The following CD40 variants were observed in gnomAD, a reference collection of about 807,000 sequenced individuals.
CD40 encodes the protein tumor necrosis factor receptor superfamily member 5.
A neutral mutation model predicts 38.5 loss-of-function variants in CD40; 19 were observed. That is an observed-to-expected ratio of 0.49 (90% CI 0.34 to 0.72). The LOEUF is 0.72. CD40 is among the 30% of genes least tolerant of loss of function. CD40 has a pLI of 0.01. For missense variants in CD40, 256 were observed against 344.1 expected, an observed-to-expected ratio of 0.74 and a Z score of 2.03; for synonymous variants, 130 against 128.7, an observed-to-expected ratio of 1.01 and a Z score of -0.07.
At chr20:46,123,073 C>T (rs970551438) in intron 4 of CD40, 53 bp from the exon 5 acceptor site, 46 of 1,373,102 alleles carry the variant, frequency 3.4e-5, no homozygotes, top group East Asian at 1.6e-4. Flanking sequence ...CCTTGTGAGC[C>T]GGACAGGTGG....
intron 5 of CD40, among the ~76,000 whole-genome samples, chr20:46,125,870 G>T (rs538243411): frequency 6.6e-6 from 1 of 152,284 alleles, no homozygotes; most frequent in East Asian, 1.9e-4. Flanking sequence ...CAGTGATCTG[G>T]TTCTAAAGAC....
At chr20:46,123,898 G>T (rs2085368253) in intron 5 of CD40, among the ~76,000 whole-genome samples, 1 of 152,176 alleles carries the variant, frequency 6.6e-6, no homozygotes, top group Admixed American at 6.5e-5. Flanking sequence ...CCTTCCTGTT[G>T]CATTTCCTGC....
In CD40 at chr20:46,118,380, T is replaced by G; in HGVS notation, c.37T>G (p.Cys13Gly). ...RLPLQCVLWGCLLTAVHPEPP... is the reference protein window; with the variant it reads ...RLPLQCVLWGGLLTAVHPEPP... Reference sequence around the variant, plus strand: ...GCCTCTGCAGTGCGTCCTCTGGGGCTGCTTGCTGACCGCTGTGAGTTGTTT... The same window carrying G: ...GCCTCTGCAGTGCGTCCTCTGGGGCGGCTTGCTGACCGCTGTGAGTTGTTT... Residue 13 changes from cysteine (C) to glycine (G), a missense_variant, in exon 1 of 9, where the codon TGC becomes GGC. Coordinates refer to ENST00000372285, the MANE Select transcript of CD40 (RefSeq NM_001250.6). The G allele has an allele frequency of 6.2e-7, 1 of 1,614,090 alleles. No individual in the cohort carries two copies. The highest frequency in any genetic ancestry group is 8.5e-7 in the Non-Finnish European group (1 of 1,179,972).
intron 1 of CD40, 154 bp from the exon 2 acceptor site, chr20:46,121,666 A>G (rs1480776918): frequency 1.4e-6 from 1 of 737,108 alleles, no homozygotes; most frequent in Non-Finnish European, 2.5e-6. Context: ...AATTTACTTG[A>G]AAACAAACAT....
chr20:46,126,626 G>T lies in CD40; in HGVS notation c.498-14G>T. On this transcript the variant is annotated splice_polypyrimidine_tract_variant and intron_variant, in intron 5 of 8. Coordinates refer to ENST00000372285, the MANE Select transcript of CD40 (RefSeq NM_001250.6). Reference sequence around the variant, plus strand: ...TCTCTGTGTGTGTGCATTTGTGCACGTGTCTGTGCATAGCTGTGAGACCAA... The same window carrying T: ...TCTCTGTGTGTGTGCATTTGTGCACTTGTCTGTGCATAGCTGTGAGACCAA... The T allele has an allele frequency of 6.2e-7, 1 of 1,613,886 alleles. No individual in the cohort carries two copies. Among genetic ancestry groups the T allele is most frequent in the East Asian group, 2.2e-5 (1 of 44,882 alleles).
chr20:46,124,528 A>AAATTTCCC (rs1054964181), intron 5 of CD40, among the ~76,000 whole-genome samples: 1 of 150,236 alleles, frequency 6.7e-6, no homozygotes, highest in Non-Finnish European at 1.5e-5. Flanking sequence ...AACACACACA[A>AAATTTCCC]AATTTCCCTC....
chr20:46,120,853 T>C (rs1360950636), intron 1 of CD40, among the ~76,000 whole-genome samples: 1 of 152,168 alleles, frequency 6.6e-6, no homozygotes, highest in African/African-American at 2.4e-5. Context: ...TCACTTGAGG[T>C]CAGGAGTTTT....
chr20:46,129,430 A>T lies in CD40; in HGVS notation c.*390A>T, dbSNP rs1020742648. ...CATATACACAGATGCCCATTGCAGC[A>T]TTGTTTGTGATAGTGAACAACTGGA... On this transcript the variant is annotated 3_prime_UTR_variant, in exon 9 of 9. Transcript: ENST00000372285. 3.9e-6 allele frequency: 1 copy of T among 259,240 alleles called. No homozygotes were observed. Among genetic ancestry groups the T allele is most frequent in the South Asian group, 4.6e-5 (1 of 21,826 alleles). The allele number at this position is 259,240 out of a possible 1,614,324, so 16.1% of individuals were successfully genotyped here. A position where few individuals can be genotyped will look rare whatever the true frequency, so the allele number is the denominator to read the frequency against.
chr20:46,123,972 T>C (rs1033901554), intron 5 of CD40, among the ~76,000 whole-genome samples: 8 of 152,240 alleles, frequency 5.3e-5, no homozygotes, highest in African/African-American at 1.9e-4. Flanking sequence ...GTTCATTCTC[T>C]TCCATCAAAC....
At chr20:46,118,421 G>A (rs997412137) in intron 1 of CD40, 27 bp downstream of exon 1, 3 of 1,610,518 alleles carry the variant, frequency 1.9e-6, no homozygotes, top group Non-Finnish European at 2.5e-6. Context: ...CCGACCAGAC[G>A]GGAGTTGGGA....
At position 46,118,322 on chromosome 20, in the gene CD40, T is replaced by TG. The variant is rs1433682844; in HGVS notation, c.-21dup. On this transcript the variant is annotated 5_prime_UTR_variant, in exon 1 of 9. Coordinates refer to ENST00000372285, the MANE Select transcript of CD40 (RefSeq NM_001250.6). ...GCCTCGCTCGGGCGCCCAGTGGTCCTGCCGCCTGGTCTCACCTCGCTATGG... is the reference window on the plus strand; with the variant it reads ...GCCTCGCTCGGGCGCCCAGTGGTCCTGGCCGCCTGGTCTCACCTCGCTATGG... The TG allele has an allele frequency of 1.9e-6, 3 of 1,612,768 alleles. No homozygotes were observed. The African/African-American group carries it at 4.0e-5, about 22-fold the overall frequency.
intron 1 of CD40, among the ~76,000 whole-genome samples, chr20:46,118,768 C>A (rs1406979502): frequency 6.6e-6 from 1 of 152,182 alleles, no homozygotes; most frequent in African/African-American, 2.4e-5. Flanking sequence ...CTGTCCCCTT[C>A]TTATTGTGGA....
intron 1 of CD40, among the ~76,000 whole-genome samples, chr20:46,120,215 AATTGCCATTTAATGAGCACCTACT>A (rs1364147028): frequency 6.6e-6 from 1 of 152,194 alleles, no homozygotes; most frequent in African/African-American, 2.4e-5. Flanking sequence ...TGATGATTAA[AATTGCCATTTAATGAGCACCTACT>A]ATGTTCCTGA....
intron 4 of CD40, 117 bp from the exon 5 acceptor site, chr20:46,123,009 G>T: frequency 1.1e-6 from 1 of 940,408 alleles, no homozygotes; most frequent in Non-Finnish European, 1.7e-6. Context: ...GTACCACATC[G>T]GGGGAAGAGT....
Position 46,122,047 on chromosome 20 carries a change from C to A in CD40, c.130+149C>A. The stretch of plus-strand genomic sequence containing the variant: ...TCAGAATGTTCTGGTTCCCTCTCTA[C>A]CAGGTAAAACTCTGTCTACCCTGAA... On this transcript the variant is annotated intron_variant, in intron 2 of 8. Transcript: ENST00000372285. This position sits in a 1 kb window ranked among gnomAD's most constrained non-coding sequence, Gnocchi z 5.0. The A allele has an allele frequency of 9.9e-7, 1 of 1,010,142 alleles. No individual in the cohort carries two copies. Among genetic ancestry groups the A allele is most frequent in the Non-Finnish European group, 1.5e-6 (1 of 651,810 alleles). The allele number at this position is 1,010,142 out of a possible 1,614,324, so 62.6% of individuals were successfully genotyped here.
In CD40 at chr20:46,128,880, A is replaced by T. The variant is rs1831598314; in HGVS notation, c.676-2A>T. ...GGGTGACCTCACACCTTGCCTCTCC[A>T]GGCCCCCCACCCCAAGCAGGAACCC... is the stretch of plus-strand genomic sequence containing the variant. On this transcript the variant is annotated splice_acceptor_variant, in intron 8 of 8. Transcript: ENST00000372285. LOFTEE classifies it high-confidence loss of function. 1.2e-6 allele frequency: 2 copies of T among 1,613,946 alleles called. No homozygotes were observed. Among genetic ancestry groups the T allele is most frequent in the Non-Finnish European group, 1.7e-6 (2 of 1,179,896 alleles).
intron 8 of CD40, 48 bp from the exon 9 acceptor site, chr20:46,128,834 C>T (rs755557724): frequency 6.2e-7 from 1 of 1,604,856 alleles, no homozygotes; most frequent in South Asian, 1.1e-5. Context: ...TCCTCAGAGG[C>T]ACAGCTGCCC....
chr20:46,129,238 C>T lies in CD40; in HGVS notation c.*198C>T, dbSNP rs942453778. The T allele has an allele frequency of 3.3e-5, 21 of 635,580 alleles. No homozygotes were observed. The African/African-American group carries it at 3.8e-4, about 11-fold the overall frequency. The allele number at this position is 635,580 out of a possible 1,614,324, so 39.4% of individuals were successfully genotyped here. On this transcript the variant is annotated 3_prime_UTR_variant, in exon 9 of 9. Coordinates refer to ENST00000372285, the MANE Select transcript of CD40 (RefSeq NM_001250.6). Reference sequence around the variant, plus strand: ...AAACAGTTCACCTTGAAGAACCTCTCACTTCACCCTGGAGCCCATCCAGTC... The same window carrying T: ...AAACAGTTCACCTTGAAGAACCTCTTACTTCACCCTGGAGCCCATCCAGTC...
At position 46,129,069 on chromosome 20, in the gene CD40, G is replaced by A. The variant is rs529049263; in HGVS notation, c.*29G>A. Reference sequence around the variant, plus strand: ...TGCACCCACCCAGGAGTGTGGCCACGTGGGCAAACAGGCAGTTGGCCAGAG... The same window carrying A: ...TGCACCCACCCAGGAGTGTGGCCACATGGGCAAACAGGCAGTTGGCCAGAG... On this transcript the variant is annotated 3_prime_UTR_variant, in exon 9 of 9. Transcript: ENST00000372285. The A allele has an allele frequency of 1.4e-5, 23 of 1,612,926 alleles. No homozygotes were observed. Among genetic ancestry groups the A allele is most frequent in the Admixed American group, 5.0e-5 (3 of 60,034 alleles).
Sources: gnomAD v4.1 joint callset for allele counts (sites outside exome capture counted in the v4.1 genomes callset) on GRCh38, gnomAD v4.1.1 for gene constraint, Gnocchi (gnomAD v3.1) non-coding constraint, MANE v1.5 for transcripts, NCBI Gene and HGNC (gene_info 2026-07-23, HGNC 2026-07-21) for gene names.